Variants in ASAP1 observed in about 807,000 individuals in gnomAD.
The protein encoded by ASAP1 is ArfGAP with SH3 domain, ankyrin repeat and PH domain 1, also known as arf-GAP with SH3 domain, ANK repeat and PH domain-containing protein 1.
A neutral mutation model predicts 145.2 loss-of-function variants in ASAP1; 43 were observed. The observed-to-expected ratio is 0.30, with a 90% confidence interval of 0.23 to 0.38. ASAP1 has a LOEUF of 0.38. Among genes scored for constraint, ASAP1 ranks in the 10% least tolerant of loss-of-function variants. ASAP1 has a pLI of 1.00. For missense variants in ASAP1, 1,018 were observed against 1,355.3 expected (o/e 0.75, Z 3.91); for synonymous variants, 546 against 515.5 (o/e 1.06, Z -0.80).
At chr8:130,078,448 G>A (rs1335307524) in intron 26 of ASAP1, among the ~76,000 whole-genome samples, 2 of 151,774 alleles carry the variant, frequency 1.3e-5, no homozygotes, top group East Asian at 1.9e-4. Flanking sequence ...CACCATACCC[G>A]GCTGATTTTT....
intron 4 of ASAP1, among the ~76,000 whole-genome samples, chr8:130,223,202 G>T (rs1047968821): frequency 1.3e-5 from 2 of 152,142 alleles, no homozygotes; most frequent in African/African-American, 4.8e-5. Flanking sequence ...CCATCCTGAG[G>T]AGCATTCCAA....
intron 3 of ASAP1, among the ~76,000 whole-genome samples, chr8:130,349,166 C>A (rs1825857014): frequency 6.6e-6 from 1 of 152,220 alleles, no homozygotes; most frequent in South Asian, 2.1e-4. Flanking sequence ...ACTGAGTTGA[C>A]AGTCTGCTTC....
In ASAP1 at chr8:130,092,264, A is replaced by G. The variant is rs1026364489; in HGVS notation, c.2402-121T>C. 1.6e-5 allele frequency: 17 copies of G among 1,073,924 alleles called. No individual in the cohort carries two copies. In the African/African-American group the frequency reaches 2.8e-4, roughly 18 times the overall value. The allele number at this position is 1,073,924 out of a possible 1,614,324, so 66.5% of individuals were successfully genotyped here. A position where few individuals can be genotyped will look rare whatever the true frequency, so the allele number is the denominator to read the frequency against. ...TATGACACACAGAGACAAAAGCAAA[A>G]GGCTGGATATGGCTAACTCCATCAA... On this transcript the variant is annotated intron_variant, in intron 24 of 29. Coordinates refer to ENST00000518721, the MANE Select transcript of ASAP1 (RefSeq NM_018482.4).
intron 3 of ASAP1, among the ~76,000 whole-genome samples, chr8:130,260,912 G>C (rs1790256551): frequency 6.6e-6 from 1 of 152,132 alleles, no homozygotes; most frequent in African/African-American, 2.4e-5. Flanking sequence ...AACCAAATTT[G>C]CTTTTCCCCC....
At chr8:130,430,760 T>C (rs1830107894) in intron 1 of ASAP1, among the ~76,000 whole-genome samples, 2 of 151,968 alleles carry the variant, frequency 1.3e-5, no homozygotes, top group Admixed American at 6.6e-5. Flanking sequence ...TATTCAGAAT[T>C]GGTTTGGGTT....
At chr8:130,303,457 C>A (rs1372544919) in intron 3 of ASAP1, among the ~76,000 whole-genome samples, 1 of 151,950 alleles carries the variant, frequency 6.6e-6, no homozygotes, top group African/African-American at 2.4e-5. Flanking sequence ...TGCCAGTATC[C>A]CCTCTACCAC....
At chr8:130,281,311 C>G (rs1040610149) in intron 3 of ASAP1, among the ~76,000 whole-genome samples, 2 of 152,182 alleles carry the variant, frequency 1.3e-5, no homozygotes, top group Non-Finnish European at 2.9e-5. Flanking sequence ...ATAGCTTTCT[C>G]CATTGCTTTT....
intron 1 of ASAP1, among the ~76,000 whole-genome samples, chr8:130,441,790 T>C (rs1830497203): frequency 6.6e-6 from 1 of 152,162 alleles, no homozygotes; most frequent in South Asian, 2.1e-4. Flanking sequence ...AAGTCCTTTC[T>C]CTCCAACATT....
intron 25 of ASAP1, among the ~76,000 whole-genome samples, chr8:130,086,777 C>T (rs2097494250): frequency 6.6e-6 from 1 of 152,140 alleles, no homozygotes; most frequent in Non-Finnish European, 1.5e-5. Context: ...GCACTCCAGC[C>T]TGGGTGACAG....
At chr8:130,060,505 G>A (rs1448422734) in intron 28 of ASAP1, 74 bp downstream of exon 28, 2 of 1,513,104 alleles carry the variant, frequency 1.3e-6, no homozygotes, top group African/African-American at 2.8e-5. Context: ...TGTGTAAGTT[G>A]GAGCACCTGC....
chr8:130,327,245 C>A (rs1200515177), intron 3 of ASAP1, among the ~76,000 whole-genome samples: 7 of 152,208 alleles, frequency 4.6e-5, no homozygotes, highest in Admixed American at 4.6e-4. Context: ...ATGGCCCTGT[C>A]TGTCTTCCAA....
chr8:130,265,386 C>T (rs1481309463), intron 3 of ASAP1, among the ~76,000 whole-genome samples: 1 of 150,864 alleles, frequency 6.6e-6, no homozygotes, highest in Admixed American at 6.6e-5. Flanking sequence ...GTCTGGGTAA[C>T]ATAGCAAGAC....
intron 5 of ASAP1, among the ~76,000 whole-genome samples, chr8:130,201,214 A>G (rs1429325709): frequency 6.6e-6 from 1 of 152,212 alleles, no homozygotes; most frequent in African/African-American, 2.4e-5. Flanking sequence ...AGAAGGAAAG[A>G]CTTACAGCCA....
At position 130,111,324 on chromosome 8, in the gene ASAP1, G is replaced by A. The variant is rs546527593; in HGVS notation, c.2401+770C>T. ...GGATCACTTGAGCCCCGGAGATGGA[G>A]GCGACTGAGAAAGGCCTGTCTCAAG... On this transcript the variant is annotated intron_variant, in intron 24 of 29. Transcript: ENST00000518721. Among the ~76,000 whole-genome samples the A allele has an allele frequency of 2.6e-5, 4 of 151,904 alleles. No homozygotes were observed. The South Asian group carries it at 6.3e-4, about 24-fold the overall frequency.
chr8:130,403,019 A>T (rs1313195898), intron 1 of ASAP1, among the ~76,000 whole-genome samples: 1 of 151,908 alleles, frequency 6.6e-6, no homozygotes, highest in African/African-American at 2.4e-5. Flanking sequence ...CAGTCTAATC[A>T]CATTAACCCA....
chr8:130,425,116 G>A (rs1829868094), intron 1 of ASAP1, among the ~76,000 whole-genome samples: 1 of 152,156 alleles, frequency 6.6e-6, no homozygotes, highest in East Asian at 1.9e-4. Context: ...GAAATCACTT[G>A]AAATCAGGAG....
intron 2 of ASAP1, among the ~76,000 whole-genome samples, chr8:130,389,708 A>T (rs1300421163): frequency 6.6e-6 from 1 of 151,854 alleles, no homozygotes; most frequent in Non-Finnish European, 1.5e-5. Context: ...TTATTTATTT[A>T]TTTTTTTCCT....
chr8:130,169,328 A>G (rs571565503), intron 9 of ASAP1, among the ~76,000 whole-genome samples: 2 of 152,364 alleles, frequency 1.3e-5, no homozygotes, highest in East Asian at 3.9e-4. Flanking sequence ...GGACACTGGA[A>G]ATTACAGTTG....
chr8:130,380,154 A>C (rs995602264), intron 2 of ASAP1, among the ~76,000 whole-genome samples: 1 of 152,192 alleles, frequency 6.6e-6, no homozygotes, highest in Non-Finnish European at 1.5e-5. Context: ...CAAGGAGTCT[A>C]TTTGGGAAGT....
Sources: allele counts gnomAD v4.1 joint callset (sites outside exome capture counted in the v4.1 genomes callset), GRCh38; gene constraint gnomAD v4.1.1; transcripts MANE v1.5; gene names NCBI Gene and HGNC (gene_info 2026-07-23, HGNC 2026-07-21).